Variants in CALN1 observed in about 807,000 individuals in gnomAD.
CALN1 encodes calcium-binding protein 8.
Under a neutral mutation model 30.6 loss-of-function variants are expected in CALN1, and 17 were observed. The observed-to-expected ratio is 0.56, with a 90% CI of 0.38 to 0.83. The LOEUF (loss-of-function observed/expected upper bound fraction) is 0.83. CALN1 is among the 40% of genes least tolerant of loss of function. The pLI is 0.00. For missense variants in CALN1, 291 were observed against 354.9 expected (o/e 0.82, Z 1.45); for synonymous variants, 156 against 131.4 (o/e 1.19, Z -1.28).
In CALN1 at chr7:72,390,265, C is replaced by T. The variant is rs563135618; in HGVS notation, c.119+12986G>A. On this transcript the variant is annotated intron_variant, in intron 2 of 6. Coordinates refer to ENST00000395275, the MANE Select transcript of CALN1 (RefSeq NM_031468.4). ...CCAACGTCGTGAAACACCACCTCTA[C>T]TAAAAATACAAAAAAATTAGCGGGG... Among the ~76,000 whole-genome samples, 15 of 152,030 alleles carry T rather than the reference C, an allele frequency of 9.9e-5. 1 individual carries two copies. The highest frequency in any genetic ancestry group is 3.4e-3 in the Middle Eastern group (1 of 294).
chr7:72,298,238 A>G (rs1480158912), intron 2 of CALN1, among the ~76,000 whole-genome samples: 2 of 151,756 alleles, frequency 1.3e-5, no homozygotes, highest in African/African-American at 4.8e-5. Flanking sequence ...AAAGCGTGCG[A>G]CTCTTATTTG....
chr7:72,457,820 A>G, the CALN1 span, among the ~76,000 whole-genome samples: 1 of 150,734 alleles, frequency 6.6e-6, no homozygotes, highest in Non-Finnish European at 1.5e-5. Flanking sequence ...CAGAGGTGCA[A>G]TCATAGCTCA....
chr7:72,305,196 T>C (rs1450133261), intron 2 of CALN1, among the ~76,000 whole-genome samples: 4 of 152,192 alleles, frequency 2.6e-5, no homozygotes, highest in South Asian at 2.1e-4. Flanking sequence ...CCCAGAGAAC[T>C]GCGGAGGATT....
intron 3 of CALN1, among the ~76,000 whole-genome samples, chr7:72,148,948 G>A: frequency 7.4e-6 from 1 of 135,570 alleles, no homozygotes; most frequent in Admixed American, 7.5e-5. Context: ...AAGGAAGGAA[G>A]GAAGGAAAGA....
At chr7:72,091,547 A>G (rs1167376714) in intron 4 of CALN1, among the ~76,000 whole-genome samples, 1 of 152,252 alleles carries the variant, frequency 6.6e-6, no homozygotes. Context: ...AAAAATAAAA[A>G]TTAAAAACTA....
intron 3 of CALN1, among the ~76,000 whole-genome samples, chr7:72,240,929 C>T (rs972107043): frequency 2.6e-5 from 4 of 152,176 alleles, no homozygotes; most frequent in South Asian, 4.1e-4. Context: ...TTTTTAAAAG[C>T]ATTATTTGGC....
At chr7:72,438,381 C>A (rs1435361832) in intron 1 of CALN1, among the ~76,000 whole-genome samples, 1 of 152,168 alleles carries the variant, frequency 6.6e-6, no homozygotes, top group Non-Finnish European at 1.5e-5. Flanking sequence ...CTCAGCCTCC[C>A]AGAGTGTTGA....
chr7:71,847,488 A>T (rs1790332418), intron 5 of CALN1, among the ~76,000 whole-genome samples: 1 of 151,800 alleles, frequency 6.6e-6, no homozygotes. Context: ...CATCTCTACT[A>T]AAACAAAACC....
chr7:72,301,930 C>T (rs1799292075), intron 2 of CALN1, among the ~76,000 whole-genome samples: 1 of 151,812 alleles, frequency 6.6e-6, no homozygotes, highest in South Asian at 2.1e-4. Context: ...GTGTCACCGA[C>T]AAGCAGGACA....
At chr7:72,021,349 G>A (rs1046239020) in intron 5 of CALN1, among the ~76,000 whole-genome samples, 2 of 152,030 alleles carry the variant, frequency 1.3e-5, no homozygotes, top group African/African-American at 4.8e-5. Flanking sequence ...AAGGAGAAAC[G>A]CCCAGGGGAG....
intron 3 of CALN1, among the ~76,000 whole-genome samples, chr7:72,208,898 A>G (rs1476253766): frequency 6.6e-6 from 1 of 152,090 alleles, no homozygotes; most frequent in Admixed American, 6.6e-5. Context: ...AAGGCATCAC[A>G]CATCACCATT....
At chr7:71,823,138 AGTT>A (rs1447355294) in intron 5 of CALN1, among the ~76,000 whole-genome samples, 1 of 151,898 alleles carries the variant, frequency 6.6e-6, no homozygotes, top group Non-Finnish European at 1.5e-5. Context: ...TCCCCCTCAA[AGTT>A]GTTGAAGCTT....
At chr7:71,790,288 CGAA>C (rs1243728765) in intron 6 of CALN1, among the ~76,000 whole-genome samples, 2 of 126,388 alleles carry the variant, frequency 1.6e-5, no homozygotes, top group East Asian at 2.3e-4. Flanking sequence ...AAGAAAGAAA[CGAA>C]GGAAGGAAGG....
intron 2 of CALN1, among the ~76,000 whole-genome samples, chr7:72,344,499 A>G (rs904589777): frequency 6.6e-6 from 1 of 150,456 alleles, no homozygotes; most frequent in African/African-American, 2.4e-5. Flanking sequence ...TGCACAGAAT[A>G]TAATTCCAAT....
intron 2 of CALN1, among the ~76,000 whole-genome samples, chr7:72,324,173 C>T (rs1187083433): frequency 6.6e-6 from 1 of 152,084 alleles, no homozygotes. Context: ...CAGGAGACTC[C>T]TGGGATGTGA....
chr7:71,833,741 C>A (rs1789430022), intron 5 of CALN1, among the ~76,000 whole-genome samples: 1 of 151,914 alleles, frequency 6.6e-6, no homozygotes, highest in Non-Finnish European at 1.5e-5. Flanking sequence ...TGTTTCTACA[C>A]CCCTGTGCCC....
At chr7:71,836,363 C>T (rs775654795) in intron 5 of CALN1, among the ~76,000 whole-genome samples, 8 of 152,242 alleles carry the variant, frequency 5.3e-5, no homozygotes, top group Middle Eastern at 3.4e-3. Context: ...CACAGGTGGA[C>T]CTGGATCTGG....
chr7:72,297,592 A>G (rs1562854869), intron 2 of CALN1, among the ~76,000 whole-genome samples: 1 of 152,228 alleles, frequency 6.6e-6, no homozygotes, highest in Non-Finnish European at 1.5e-5. Flanking sequence ...CACTTATTGA[A>G]AACCTTGACA....
At chr7:71,844,096 C>T (rs996092986) in intron 5 of CALN1, among the ~76,000 whole-genome samples, 3 of 152,082 alleles carry the variant, frequency 2.0e-5, no homozygotes, top group South Asian at 2.1e-4. Flanking sequence ...GAGCACACTG[C>T]GATATGATTT....
Sources: gnomAD v4.1 joint callset for allele counts (sites outside exome capture counted in the v4.1 genomes callset) on GRCh38, gnomAD v4.1.1 for gene constraint, MANE v1.5 for transcripts, NCBI Gene and HGNC (gene_info 2026-07-23, HGNC 2026-07-21) for gene names.